Variants in ATAD2B observed in about 807,000 individuals in gnomAD.
The protein encoded by ATAD2B is ATPase family AAA domain containing 2B, also known as ATPase family AAA domain-containing protein 2B.
In ATAD2B, 40 loss-of-function variants were observed where a neutral mutation model predicts 167.6. The observed-to-expected ratio is 0.24, with a 90% CI of 0.19 to 0.31. ATAD2B has a LOEUF of 0.31. Among genes scored for constraint, ATAD2B ranks in the 10% least tolerant of loss-of-function variants. The pLI, the probability that ATAD2B is intolerant of heterozygous loss-of-function variation, is 1.00. For synonymous variants in ATAD2B, 579 were observed against 596.5 expected (o/e 0.97, Z 0.43); for missense variants, 1,242 against 1,757.2 (o/e 0.71, Z 5.24).
chr2:23,822,745 A>T (rs1558602629), intron 16 of ATAD2B, among the ~76,000 whole-genome samples: 1 of 149,992 alleles, frequency 6.7e-6, no homozygotes, highest in African/African-American at 2.5e-5. Context: ...GTGAAACCCT[A>T]TCTCTACTAA....
At chr2:23,697,132 A>C in the ATAD2B span, 2 of 152,512 alleles carry the variant, frequency 1.3e-5, no homozygotes, top group Admixed American at 6.5e-5. Context: ...AAGCCAAAGG[A>C]CCACGTGTGA....
chr2:23,864,729 T>C (rs1159960667), intron 11 of ATAD2B, 80 bp downstream of exon 11: 2 of 616,992 alleles, frequency 3.2e-6, no homozygotes, highest in Non-Finnish European at 5.3e-6. Context: ...ATCAAATATT[T>C]ATATTTATAG....
intron 8 of ATAD2B, among the ~76,000 whole-genome samples, chr2:23,874,705 A>T (rs1433072223): frequency 2.6e-5 from 4 of 152,036 alleles, no homozygotes; most frequent in Non-Finnish European, 5.9e-5. Context: ...AAAAAAAAAA[A>T]TAAACTTTTA....
intron 17 of ATAD2B, among the ~76,000 whole-genome samples, chr2:23,813,167 AACAG>A (rs1180304185): frequency 2.0e-5 from 3 of 151,912 alleles, no homozygotes; most frequent in Admixed American, 6.6e-5. Flanking sequence ...ATATCAAAGA[AACAG>A]ACAAACATAA....
intron 17 of ATAD2B, among the ~76,000 whole-genome samples, chr2:23,813,810 C>G (rs1227844127): frequency 1.3e-5 from 2 of 151,968 alleles, no homozygotes. Flanking sequence ...ACGGAGGATT[C>G]AGGTCATTTC....
chr2:23,771,321 C>A (rs1678287670), intron 22 of ATAD2B, among the ~76,000 whole-genome samples: 2 of 152,182 alleles, frequency 1.3e-5, no homozygotes, highest in Admixed American at 1.3e-4. Context: ...TGGCTGAAAG[C>A]TCCAGTTTAA....
chr2:23,691,450 C>T, the ATAD2B span: 25 of 590,836 alleles, frequency 4.2e-5, no homozygotes, highest in African/African-American at 2.6e-4. Context: ...ATGGACATGC[C>T]GAGTAGTGAT....
At chr2:23,771,670 G>T (rs1364961428) in intron 22 of ATAD2B, among the ~76,000 whole-genome samples, 1 of 151,894 alleles carries the variant, frequency 6.6e-6, no homozygotes, top group Non-Finnish European at 1.5e-5. Flanking sequence ...ACTTCTCTTG[G>T]AATTACTGTA....
intron 16 of ATAD2B, among the ~76,000 whole-genome samples, chr2:23,820,324 G>C (rs573273007): frequency 1.3e-3 from 203 of 152,202 alleles, no homozygotes; most frequent in African/African-American, 4.6e-3. Flanking sequence ...TTTTAAAGAG[G>C]ATACACCTTT....
chr2:23,699,161 G>T, the ATAD2B span, among the ~76,000 whole-genome samples: 1 of 152,236 alleles, frequency 6.6e-6, no homozygotes, highest in East Asian at 1.9e-4. Flanking sequence ...CCCTCGCTCA[G>T]AGGCAGAGGC....
At chr2:23,874,730 C>T (rs755605377) in intron 8 of ATAD2B, among the ~76,000 whole-genome samples, 1 of 151,628 alleles carries the variant, frequency 6.6e-6, no homozygotes, top group Non-Finnish European at 1.5e-5. Context: ...TAGAAACTTT[C>T]CTTTGTTTCT....
chr2:23,709,985 G>A, the ATAD2B span, among the ~76,000 whole-genome samples: 1 of 152,198 alleles, frequency 6.6e-6, no homozygotes, highest in African/African-American at 2.4e-5. Context: ...AAAGCCATGT[G>A]TGTCCACTAT....
intron 22 of ATAD2B, among the ~76,000 whole-genome samples, chr2:23,768,547 G>A (rs968117798): frequency 6.6e-6 from 1 of 150,918 alleles, no homozygotes; most frequent in South Asian, 2.1e-4. Flanking sequence ...ACTCCAGCCT[G>A]AGCAACAAAG....
At position 23,750,275 on chromosome 2, in the gene ATAD2B, C is replaced by T. The variant is rs1243749495; in HGVS notation, c.*1771G>A. 1 of 151,920 alleles carries T rather than the reference C, an allele frequency of 6.6e-6. No homozygotes were observed. The allele number at this position is 151,920 out of a possible 1,614,324, so 9.4% of individuals were successfully genotyped here. On this transcript the variant is annotated 3_prime_UTR_variant, in exon 28 of 28. Transcript: ENST00000238789. Reference sequence around the variant, plus strand: ...GACTTGTATGACTAACTGGATATTACAGAAACTTCACAGACTAGGTACAAA... The same window carrying T: ...GACTTGTATGACTAACTGGATATTATAGAAACTTCACAGACTAGGTACAAA...
chr2:23,892,581 C>T (rs974176670), intron 2 of ATAD2B, among the ~76,000 whole-genome samples: 7 of 151,828 alleles, frequency 4.6e-5, no homozygotes, highest in Non-Finnish European at 1.5e-5. Context: ...AAGCAATTCT[C>T]GTGCCTCAGC....
chr2:23,719,604 C>T, the ATAD2B span, among the ~76,000 whole-genome samples: 532 of 152,194 alleles, frequency 3.5e-3, 3 homozygotes, highest in Non-Finnish European at 6.4e-3. Flanking sequence ...GAGAATAGGA[C>T]TTCCACATCC....
intron 17 of ATAD2B, among the ~76,000 whole-genome samples, chr2:23,818,443 T>TA (rs934821092): frequency 2.8e-5 from 4 of 141,552 alleles, no homozygotes; most frequent in East Asian, 4.1e-4. Flanking sequence ...GAATAGCCTA[T>TA]AAAAAAACTT....
chr2:23,699,013 T>A, the ATAD2B span, among the ~76,000 whole-genome samples: 1 of 152,262 alleles, frequency 6.6e-6, no homozygotes, highest in Non-Finnish European at 1.5e-5. Flanking sequence ...CTTCTGACAC[T>A]GTCCAAAAAG....
chr2:23,777,657 C>A (rs967613176), intron 22 of ATAD2B, among the ~76,000 whole-genome samples: 1 of 151,842 alleles, frequency 6.6e-6, no homozygotes, highest in South Asian at 2.1e-4. Flanking sequence ...AACATTAGGG[C>A]GAAAATTTCA....
Sources: gnomAD v4.1 joint callset for allele counts (sites outside exome capture counted in the v4.1 genomes callset) on GRCh38, gnomAD v4.1.1 for gene constraint, MANE v1.5 for transcripts, NCBI Gene and HGNC (gene_info 2026-07-23, HGNC 2026-07-21) for gene names.